Variants in SENP2 observed in about 807,000 individuals in gnomAD.
SENP2 encodes the protein SUMO specific peptidase 2, also known as sentrin-specific protease 2.
Under a neutral mutation model 86.3 loss-of-function variants are expected in SENP2, and 16 were observed. That is an observed-to-expected ratio of 0.19 (90% CI 0.13 to 0.28). The LOEUF (loss-of-function observed/expected upper bound fraction) is 0.28, where lower values mean the gene tolerates loss of function less well. Among genes scored for constraint, SENP2 ranks in the 10% least tolerant of loss-of-function variants. The pLI, the probability that SENP2 is intolerant of heterozygous loss-of-function variation, is 1.00. For synonymous variants in SENP2, 222 were observed against 238.7 expected (o/e 0.93, Z 0.64); for missense variants, 552 against 703.0 (o/e 0.79, Z 2.43).
chr3:185,603,130 T>A (rs1722402587), intron 5 of SENP2, among the ~76,000 whole-genome samples: 1 of 151,942 alleles, frequency 6.6e-6, no homozygotes, highest in South Asian at 2.1e-4. Flanking sequence ...CAGGCTGGTC[T>A]CGAACTCCTG....
At chr3:185,590,901 CT>C (rs1158491597) in intron 2 of SENP2, among the ~76,000 whole-genome samples, 961 of 94,162 alleles carry the variant, frequency 0.01, 2 homozygotes, top group African/African-American at 0.035. Flanking sequence ...AGAAAGTCTC[CT>C]TTTTTTTTTT....
At chr3:185,629,473 G>C (rs1307987562) in intron 16 of SENP2, among the ~76,000 whole-genome samples, 1 of 151,950 alleles carries the variant, frequency 6.6e-6, no homozygotes, top group Non-Finnish European at 1.5e-5. Context: ...AGCTACGCTG[G>C]AGACTGAGGG....
rs549809706 is a variant in SENP2, at chr3:185,618,534, C to T, written c.1243-765C>T. On this transcript the variant is annotated intron_variant, in intron 12 of 16. Transcript: ENST00000296257. ...TACATTATAAATGTAATTTGTTTAT[C>T]GTAGAATATTTGGAAAATACAGGAA... Among the ~76,000 whole-genome samples the T allele has an allele frequency of 1.6e-3, 240 of 152,160 alleles. 2 individuals are homozygous for T. Among genetic ancestry groups the T allele is most frequent in the African/African-American group, 5.7e-3 (237 of 41,530 alleles).
At chr3:185,605,046 G>A (rs979560546) in intron 5 of SENP2, among the ~76,000 whole-genome samples, 6 of 150,480 alleles carry the variant, frequency 4.0e-5, no homozygotes, top group Admixed American at 1.3e-4. Flanking sequence ...GAGCCACCGC[G>A]CCTGGCCGAA....
At chr3:185,627,646 C>T (rs1419763501) in intron 16 of SENP2, among the ~76,000 whole-genome samples, 5 of 151,956 alleles carry the variant, frequency 3.3e-5, no homozygotes, top group East Asian at 1.9e-4. Context: ...CTCCTGACCT[C>T]GTGATCCACC....
chr3:185,613,774 G>A (rs1449712316), intron 10 of SENP2: 1 of 161,942 alleles, frequency 6.2e-6, no homozygotes, highest in Non-Finnish European at 1.3e-5. Context: ...GCTGCAGTGA[G>A]CTGTGATCAC....
Position 185,619,371 on chromosome 3 carries a change from A to G in SENP2, c.1315A>G (p.Ser439Gly), listed in dbSNP as rs765202588. The G allele has an allele frequency of 6.2e-7, 1 of 1,613,804 alleles. No individual in the cohort carries two copies. The highest frequency in any genetic ancestry group is 1.3e-5 in the African/African-American group (1 of 74,940). Residue 439 changes from serine (S) to glycine (G), a missense_variant, in exon 13 of 17, where the codon AGT (serine) becomes GGT (glycine). Physicochemically the swap from Ser to Gly is moderately conservative, Grantham distance 56. Transcript: ENST00000296257. ...KQGYPALHVF[S>G]TFFYPKLKSG... ...AGGCTATCCAGCACTTCATGTATTC[A>G]GTACTTTCTTCTATCCTAAATTAAA...
In SENP2 at chr3:185,632,960, ACTTGAC is replaced by A. The variant is rs374411271; in HGVS notation, c.*3122_*3127del. 5 of 152,340 alleles carry A rather than the reference ACTTGAC, an allele frequency of 3.3e-5. No homozygotes were observed. The highest frequency in any genetic ancestry group is 1.2e-4 in the African/African-American group (5 of 41,580). 9.4% of individuals were successfully genotyped at this position (152,340 alleles called of 1,614,324 possible). A position where few individuals can be genotyped will look rare whatever the true frequency, so the allele number is the denominator to read the frequency against. Reference sequence around the variant, plus strand: ...CATTGAGAACACGTATCTTTCTCAAACTTGACCTTGAACAGAGCTGGATGGGGGTGG... The same window carrying A: ...CATTGAGAACACGTATCTTTCTCAAACTTGAACAGAGCTGGATGGGGGTGG... On this transcript the variant is annotated 3_prime_UTR_variant, in exon 17 of 17. Coordinates refer to ENST00000296257, the MANE Select transcript of SENP2 (RefSeq NM_021627.3).
chr3:185,626,400 G>A lies in SENP2; in HGVS notation c.1707+7G>A. The A allele has an allele frequency of 6.4e-7, 1 of 1,567,714 alleles. No individual in the cohort carries two copies. Among genetic ancestry groups the A allele is most frequent in the Non-Finnish European group, 8.8e-7 (1 of 1,139,280 alleles). ...ACCTATCACATTTACTCAGGTGAGT[G>A]AAGACCCTCTTCATCCATTTACTTG... On this transcript the variant is annotated splice_region_variant and intron_variant, in intron 16 of 16. Coordinates refer to ENST00000296257, the MANE Select transcript of SENP2 (RefSeq NM_021627.3).
chr3:185,627,253 A>T (rs1229108759), intron 16 of SENP2, among the ~76,000 whole-genome samples: 1 of 152,164 alleles, frequency 6.6e-6, no homozygotes, highest in Admixed American at 6.6e-5. Context: ...GAACTGTGGC[A>T]TTCATTGGTT....
Position 185,616,732 on chromosome 3 carries a change from G to A in SENP2, c.1111-748G>A, listed in dbSNP as rs528866664. Among the ~76,000 whole-genome samples the A allele has an allele frequency of 1.3e-3, 183 of 143,952 alleles. 1 individual carries two copies. The highest frequency in any genetic ancestry group is 3.0e-3 in the African/African-American group (114 of 38,072). The allele number at this position is 143,952 out of a possible 152,430, so 94.4% of individuals were successfully genotyped here. A position where few individuals can be genotyped will look rare whatever the true frequency, so the allele number is the denominator to read the frequency against. ...GGAGCTTGCAGTAAGCCGAGATGGCGCCACTGCACTCCGGCCTGGGAGACT... is the reference window on the plus strand; with the variant it reads ...GGAGCTTGCAGTAAGCCGAGATGGCACCACTGCACTCCGGCCTGGGAGACT... On this transcript the variant is annotated intron_variant, in intron 11 of 16. Coordinates refer to ENST00000296257, the MANE Select transcript of SENP2 (RefSeq NM_021627.3).
chr3:185,595,658 G>T (rs1722151196), intron 2 of SENP2, among the ~76,000 whole-genome samples: 1 of 152,078 alleles, frequency 6.6e-6, no homozygotes, highest in Non-Finnish European at 1.5e-5. Flanking sequence ...CCTTAATTAG[G>T]ACATAGGATA....
intron 2 of SENP2, among the ~76,000 whole-genome samples, chr3:185,597,807 C>G (rs750072295): frequency 2.6e-5 from 4 of 152,042 alleles, no homozygotes; most frequent in Non-Finnish European, 5.9e-5. Context: ...GGATGCGCCA[C>G]CACGCCCAGC....
intron 1 of SENP2, among the ~76,000 whole-genome samples, chr3:185,587,570 AT>A (rs398052522): frequency 7.6e-4 from 90 of 118,732 alleles, no homozygotes; most frequent in Middle Eastern, 5.3e-3. Flanking sequence ...TCAAGTGTTA[AT>A]TTTTTTTTTT....
rs751107877 is a variant in SENP2 at position 185,631,095 on chromosome 3, T to C, written c.*1251T>C. 4 of 152,118 alleles carry C rather than the reference T, an allele frequency of 2.6e-5. No homozygotes were observed. Among genetic ancestry groups the C allele is most frequent in the Non-Finnish European group, 5.9e-5 (4 of 68,018 alleles). The allele number at this position is 152,118 out of a possible 1,614,324, so 9.4% of individuals were successfully genotyped here. A position where few individuals can be genotyped will look rare whatever the true frequency, so the allele number is the denominator to read the frequency against. On this transcript the variant is annotated 3_prime_UTR_variant, in exon 17 of 17. Coordinates refer to ENST00000296257, the MANE Select transcript of SENP2 (RefSeq NM_021627.3). The stretch of plus-strand genomic sequence containing the variant: ...TAATAAAAGGTGGTCTGGCAGAACC[T>C]AAAAAAGTATATGCTGAAATGATTT...
chr3:185,623,113 G>A (rs573905535), intron 14 of SENP2, among the ~76,000 whole-genome samples: 13 of 151,844 alleles, frequency 8.6e-5, no homozygotes, highest in African/African-American at 1.4e-4. Context: ...CACCGTGCCC[G>A]GTGGTCTTTG....
Position 185,616,727 on chromosome 3 carries a change from A to G in SENP2, c.1111-753A>G, listed in dbSNP as rs567115517. On this transcript the variant is annotated intron_variant, in intron 11 of 16. Coordinates refer to ENST00000296257, the MANE Select transcript of SENP2 (RefSeq NM_021627.3). ...GAGGCGGAGCTTGCAGTAAGCCGAG[A>G]TGGCGCCACTGCACTCCGGCCTGGG... is the stretch of plus-strand genomic sequence containing the variant. 3.8e-3 allele frequency among the ~76,000 whole-genome samples: 562 copies of G among 147,282 alleles called. 4 individuals are homozygous for G. The highest frequency in any genetic ancestry group is 0.01 in the Middle Eastern group (3 of 288).
Position 185,623,999 on chromosome 3 carries a change from C to T in SENP2, c.1528C>T (p.Gln510Ter). 6.3e-7 allele frequency: 1 copy of T among 1,591,820 alleles called. No homozygotes were observed. The highest frequency in any genetic ancestry group is 8.6e-7 in the Non-Finnish European group (1 of 1,164,480). Residue 510 changes from glutamine (Q) to a stop codon, truncating the protein, a stop_gained and splice_region_variant, in exon 15 of 17, where the codon CAG (glutamine) becomes TAG (stop). Coordinates refer to ENST00000296257, the MANE Select transcript of SENP2 (RefSeq NM_021627.3). LOFTEE classifies it high-confidence loss of function. Reference sequence around the variant, plus strand: ...TTCCTTCTTTGTTTTGCTTTTTAGTCAGTATTTACAGGATGAAAGTAAGAC... The same window carrying T: ...TTCCTTCTTTGTTTTGCTTTTTAGTTAGTATTTACAGGATGAAAGTAAGAC... The part of the protein sequence containing the change: ...KGHRICEILL[Q>*]YLQDESKTKR...
chr3:185,605,061 T>C (rs1466218341), intron 5 of SENP2, among the ~76,000 whole-genome samples: 2 of 150,378 alleles, frequency 1.3e-5, no homozygotes, highest in Non-Finnish European at 3.0e-5. Context: ...GCCGAATCTG[T>C]TTATTTCTTA....
Sources: allele counts gnomAD v4.1 joint callset (sites outside exome capture counted in the v4.1 genomes callset), GRCh38; gene constraint gnomAD v4.1.1; transcripts MANE v1.5; gene names NCBI Gene and HGNC (gene_info 2026-07-23, HGNC 2026-07-21).